Variants in RNGTT observed in about 807,000 individuals in gnomAD.
RNGTT encodes mRNA-capping enzyme.
RNGTT carries 33 observed loss-of-function variants against 79.3 expected under a neutral mutation model. The ratio of observed to expected loss-of-function variants is 0.42; its 90% CI spans 0.32 to 0.56. The LOEUF is 0.56. Among genes scored for constraint, RNGTT ranks in the 20% least tolerant of loss-of-function variants. The pLI, the probability that RNGTT is intolerant of heterozygous loss-of-function variation, is 0.17. For synonymous variants in RNGTT, 222 were observed against 235.9 expected (o/e 0.94, Z 0.54); for missense variants, 497 against 739.1 (o/e 0.67, Z 3.80).
rs1172403209 is a variant in RNGTT, at chr6:88,644,241, A to G, written c.1507-29846T>C. Among the ~76,000 whole-genome samples the G allele has an allele frequency of 2.6e-5, 4 of 152,224 alleles. No homozygotes were observed. The East Asian group carries it at 5.8e-4, about 22-fold the overall frequency. ...ATAAATACCTCTATGAAAATAAACT[A>G]GAAAATCTAGAAGAAATGGATAAAT... is the stretch of plus-strand genomic sequence containing the variant. On this transcript the variant is annotated intron_variant, in intron 14 of 15. Transcript: ENST00000369485.
rs1316202974 is a variant in RNGTT at position 88,688,038 on chromosome 6, C to T, written c.1440-9619G>A. Among the ~76,000 whole-genome samples the T allele has an allele frequency of 5.9e-5, 9 of 152,014 alleles. 1 individual carries two copies. The highest frequency in any genetic ancestry group is 3.4e-3 in the Middle Eastern group (1 of 294). On this transcript the variant is annotated intron_variant, in intron 13 of 15. Coordinates refer to ENST00000369485, the MANE Select transcript of RNGTT (RefSeq NM_003800.5). ...TAATACACATGAAGGGGGATGGGGA[C>T]GAAAAGGAGCTAATTTAAGTAACTT...
At chr6:88,807,704 AAC>A (rs1780003332) in intron 11 of RNGTT, among the ~76,000 whole-genome samples, 1 of 152,112 alleles carries the variant, frequency 6.6e-6, no homozygotes, top group Admixed American at 6.6e-5. Context: ...TAAACACATA[AAC>A]ACAAACACAC....
chr6:88,667,149 C>T (rs1055323613), intron 14 of RNGTT, among the ~76,000 whole-genome samples: 1 of 152,176 alleles, frequency 6.6e-6, no homozygotes, highest in Non-Finnish European at 1.5e-5. Flanking sequence ...GCATCAGTCA[C>T]GGCCCCTCTG....
intron 8 of RNGTT, among the ~76,000 whole-genome samples, chr6:88,867,874 T>C (rs946182378): frequency 1.3e-5 from 2 of 152,230 alleles, no homozygotes; most frequent in African/African-American, 4.8e-5. Flanking sequence ...AAGGTTCACC[T>C]AACAGTCTTT....
At chr6:88,935,605 A>C (rs1174106683) in intron 2 of RNGTT, among the ~76,000 whole-genome samples, 4 of 152,208 alleles carry the variant, frequency 2.6e-5, no homozygotes, top group African/African-American at 9.6e-5. Flanking sequence ...ATTTCTATAA[A>C]AAATGTCATT....
intron 9 of RNGTT, among the ~76,000 whole-genome samples, chr6:88,850,655 T>A (rs1281772777): frequency 6.6e-6 from 1 of 151,946 alleles, no homozygotes; most frequent in Admixed American, 6.6e-5. Context: ...TAAGAAAGCA[T>A]TACCTAAGCC....
At chr6:88,874,484 T>C (rs1782454801) in intron 8 of RNGTT, among the ~76,000 whole-genome samples, 2 of 152,178 alleles carry the variant, frequency 1.3e-5, no homozygotes, top group African/African-American at 4.8e-5. Flanking sequence ...GTATAAAGCA[T>C]GCATTCTAGA....
chr6:88,810,996 A>G (rs1780120675), intron 11 of RNGTT, among the ~76,000 whole-genome samples: 1 of 152,248 alleles, frequency 6.6e-6, no homozygotes, highest in Non-Finnish European at 1.5e-5. Flanking sequence ...CAGTAAAAAC[A>G]TTTAAATGTG....
chr6:88,931,049 A>G (rs1471636774), intron 2 of RNGTT, among the ~76,000 whole-genome samples: 2 of 152,150 alleles, frequency 1.3e-5, no homozygotes, highest in African/African-American at 4.8e-5. Context: ...CAATCCTAAT[A>G]TGAAAATCCA....
chr6:88,726,126 A>C (rs1021341528), intron 13 of RNGTT, among the ~76,000 whole-genome samples: 4 of 152,128 alleles, frequency 2.6e-5, no homozygotes, highest in Admixed American at 2.0e-4. Context: ...TATAATTGAT[A>C]ATTGAAGGTC....
intron 8 of RNGTT, among the ~76,000 whole-genome samples, chr6:88,853,981 G>T (rs1243716480): frequency 1.3e-5 from 2 of 150,926 alleles, no homozygotes; most frequent in Non-Finnish European, 2.9e-5. Flanking sequence ...ATGGAGTACA[G>T]TGGCACAACC....
chr6:88,951,428 T>A (rs1346699435), intron 1 of RNGTT, among the ~76,000 whole-genome samples: 2 of 152,216 alleles, frequency 1.3e-5, no homozygotes, highest in Non-Finnish European at 2.9e-5. Flanking sequence ...AAGAAAGTTC[T>A]ACCATGGCTA....
chr6:88,725,416 A>G (rs1471943731), intron 13 of RNGTT, among the ~76,000 whole-genome samples: 1 of 152,242 alleles, frequency 6.6e-6, no homozygotes, highest in African/African-American at 2.4e-5. Flanking sequence ...CAGGGTGGTA[A>G]AGCATTCCTT....
At chr6:88,882,720 C>A (rs1191144796) in intron 8 of RNGTT, among the ~76,000 whole-genome samples, 2 of 152,162 alleles carry the variant, frequency 1.3e-5, no homozygotes, top group African/African-American at 2.4e-5. Context: ...AGTGATCTTA[C>A]AAAAGAGCTG....
intron 1 of RNGTT, among the ~76,000 whole-genome samples, chr6:88,946,926 G>A (rs1361117223): frequency 4.1e-5 from 5 of 120,934 alleles, no homozygotes; most frequent in Non-Finnish European, 6.9e-5. Context: ...GATTGCAGAC[G>A]GAGTCTCGTT....
At chr6:88,692,360 TAATAGCCAAA>T (rs1292954456) in intron 13 of RNGTT, among the ~76,000 whole-genome samples, 5 of 151,888 alleles carry the variant, frequency 3.3e-5, no homozygotes, top group Middle Eastern at 6.3e-3. Flanking sequence ...AATTTATTCA[TAATAGCCAAA>T]AATTAGAAAT....
intron 13 of RNGTT, among the ~76,000 whole-genome samples, chr6:88,698,294 AT>A (rs1775821917): frequency 7.5e-6 from 1 of 134,122 alleles, no homozygotes; most frequent in Non-Finnish European, 1.5e-5. Context: ...TATATATCAT[AT>A]ATATATGAAA....
At chr6:88,909,730 T>C (rs1324521372) in intron 4 of RNGTT, among the ~76,000 whole-genome samples, 1 of 152,146 alleles carries the variant, frequency 6.6e-6, no homozygotes, top group East Asian at 1.9e-4. Context: ...AAAGGGAGCA[T>C]GCGCAGCTGT....
chr6:88,921,404 G>C (rs1784161286), intron 4 of RNGTT, among the ~76,000 whole-genome samples: 1 of 152,066 alleles, frequency 6.6e-6, no homozygotes, highest in Admixed American at 6.6e-5. Context: ...GTTATCAGTT[G>C]ATAATTGGTG....
Sources: allele counts gnomAD v4.1 joint callset (sites outside exome capture counted in the v4.1 genomes callset), GRCh38; gene constraint gnomAD v4.1.1; transcripts MANE v1.5; gene names NCBI Gene and HGNC (gene_info 2026-07-23, HGNC 2026-07-21).